LRP1B: variants seen among roughly 807,000 people sequenced by gnomAD.
The protein encoded by LRP1B is LDL receptor related protein 1B.
A neutral mutation model predicts 556.6 loss-of-function variants in LRP1B; 217 were observed. That is an observed-to-expected ratio of 0.39 (90% CI 0.35 to 0.44). The LOEUF (loss-of-function observed/expected upper bound fraction) is 0.44. LRP1B is among the 20% of genes least tolerant of loss of function. The probability of loss-of-function intolerance (pLI) is 1.00; values close to 1 mark genes in which losing one functional copy is unlikely to be tolerated. For synonymous variants in LRP1B, 2,047 were observed against 1,865.8 expected (o/e 1.10, Z -2.50); for missense variants, 5,053 against 5,620.8 (o/e 0.90, Z 3.23).
intron 11 of LRP1B, among the ~76,000 whole-genome samples, chr2:141,025,737 G>A (rs79757371): frequency 0.035 from 5,260 of 151,992 alleles, 128 homozygotes; most frequent in Middle Eastern, 0.068. Flanking sequence ...TTTTTTCTCT[G>A]TCTCTCTATA....
chr2:141,859,849 T>G (rs1255600369), intron 1 of LRP1B, among the ~76,000 whole-genome samples: 2 of 152,150 alleles, frequency 1.3e-5, no homozygotes, highest in Non-Finnish European at 2.9e-5. Context: ...TGACAGGTAT[T>G]TTGTGTGATT....
At chr2:141,130,872 C>G (rs555885214) in intron 7 of LRP1B, among the ~76,000 whole-genome samples, 1 of 152,048 alleles carries the variant, frequency 6.6e-6, no homozygotes, top group Admixed American at 6.6e-5. Flanking sequence ...ATGTCTTTTG[C>G]AGGGACATGG....
At chr2:140,766,846 ATATATATATATATATATAT>A (rs762188021) in intron 35 of LRP1B, among the ~76,000 whole-genome samples, 55,253 of 102,898 alleles carry the variant, frequency 0.54, 11,991 homozygotes, top group East Asian at 0.71. Flanking sequence ...TATATATATT[ATATATATATATATATATAT>A]AATATATATA....
chr2:140,289,745 A>G (rs1683299047), intron 84 of LRP1B, among the ~76,000 whole-genome samples: 1 of 152,002 alleles, frequency 6.6e-6, no homozygotes, highest in African/African-American at 2.4e-5. Context: ...AAGAATAACT[A>G]AAATAATTAA....
chr2:141,743,925 TTTTG>T (rs750078761), intron 2 of LRP1B, among the ~76,000 whole-genome samples: 7 of 141,486 alleles, frequency 4.9e-5, no homozygotes, highest in Non-Finnish European at 1.1e-4. Flanking sequence ...GCTTTGTCAG[TTTTG>T]TTTATTTTTC....
In LRP1B at chr2:141,464,606, A is replaced by ATATATATATATT; in HGVS notation, c.343+15789_343+15790insAATATATATATA. Reference sequence around the variant, plus strand: ...TTTGTATATATATATATATATATATATTTTTTTAGTAGAGATGGGGTTTCA... The same window carrying ATATATATATATT: ...TTTGTATATATATATATATATATATATATATATATATTTTTTTTTAGTAGAGATGGGGTTTCA... On this transcript the variant is annotated intron_variant, in intron 3 of 90. Coordinates refer to ENST00000389484, the MANE Select transcript of LRP1B (RefSeq NM_018557.3). Among the ~76,000 whole-genome samples, 42 of 90,538 alleles carry ATATATATATATT rather than the reference A, an allele frequency of 4.6e-4. 2 individuals carry two copies. Among genetic ancestry groups the ATATATATATATT allele is most frequent in the East Asian group, 2.5e-3 (9 of 3,594 alleles). The allele number at this position is 90,538 out of a possible 152,430, so 59.4% of individuals were successfully genotyped here. A position where few individuals can be genotyped will look rare whatever the true frequency, so the allele number is the denominator to read the frequency against.
intron 7 of LRP1B, among the ~76,000 whole-genome samples, chr2:141,142,921 C>CT (rs35543111): frequency 0.39 from 38,973 of 100,644 alleles, 8,845 homozygotes; most frequent in Non-Finnish European, 0.45. Context: ...TGTCTGATTA[C>CT]TTTTTTTTTT....
chr2:141,329,668 A>ATC (rs1158835420), intron 3 of LRP1B, among the ~76,000 whole-genome samples: 1 of 142,322 alleles, frequency 7.0e-6, no homozygotes, highest in Admixed American at 6.9e-5. Flanking sequence ...AAAAAAAACT[A>ATC]TCTCTCTCTC....
At chr2:141,979,201 A>C (rs1701973978) in intron 1 of LRP1B, among the ~76,000 whole-genome samples, 1 of 152,078 alleles carries the variant, frequency 6.6e-6, no homozygotes, top group Admixed American at 6.6e-5. Context: ...TCTGGACCTA[A>C]ATTGTACAAC....
intron 3 of LRP1B, among the ~76,000 whole-genome samples, chr2:141,426,545 C>G (rs1362203537): frequency 6.6e-6 from 1 of 151,128 alleles, no homozygotes; most frequent in Non-Finnish European, 1.5e-5. Flanking sequence ...TTTGAAATGA[C>G]AAAGAAAGAA....
chr2:140,749,890 G>C (rs1360731458), intron 35 of LRP1B, among the ~76,000 whole-genome samples: 1 of 152,090 alleles, frequency 6.6e-6, no homozygotes, highest in East Asian at 1.9e-4. Context: ...GTGCAGGTTT[G>C]TTTACAACAG....
At chr2:141,767,434 T>C (rs1051205411) in intron 2 of LRP1B, among the ~76,000 whole-genome samples, 1 of 152,046 alleles carries the variant, frequency 6.6e-6, no homozygotes, top group Non-Finnish European at 1.5e-5. Context: ...CAGGTCAAAT[T>C]ATCTATGTCG....
chr2:140,652,281 A>G (rs1228068285), intron 41 of LRP1B, among the ~76,000 whole-genome samples: 1 of 152,050 alleles, frequency 6.6e-6, no homozygotes, highest in Non-Finnish European at 1.5e-5. Flanking sequence ...ATAAATTCAC[A>G]GAGATAAATA....
chr2:140,512,151 T>C (rs1466658528), intron 51 of LRP1B, among the ~76,000 whole-genome samples: 3 of 152,222 alleles, frequency 2.0e-5, no homozygotes, highest in Non-Finnish European at 2.9e-5. Flanking sequence ...TCTAATTCTG[T>C]ATGACCTTGA....
chr2:141,306,078 G>C (rs1019962135), intron 3 of LRP1B, among the ~76,000 whole-genome samples: 1 of 152,008 alleles, frequency 6.6e-6, no homozygotes, highest in Non-Finnish European at 1.5e-5. Context: ...TCTGGTTTTG[G>C]TATCAGGGTA....
At chr2:140,872,340 C>T (rs1453994114) in intron 25 of LRP1B, among the ~76,000 whole-genome samples, 1 of 89,332 alleles carries the variant, frequency 1.1e-5, no homozygotes, top group African/African-American at 4.9e-5. Flanking sequence ...AAGCTGCTTG[C>T]TTTTGTATTG....
intron 3 of LRP1B, among the ~76,000 whole-genome samples, chr2:141,367,136 T>C (rs748323789): frequency 1.6e-4 from 24 of 152,212 alleles, no homozygotes; most frequent in Non-Finnish European, 3.1e-4. Flanking sequence ...AAGAGAAGGC[T>C]ACTATTGGGG....
intron 3 of LRP1B, among the ~76,000 whole-genome samples, chr2:141,451,876 C>T (rs1681434537): frequency 6.6e-6 from 1 of 152,058 alleles, no homozygotes; most frequent in South Asian, 2.1e-4. Flanking sequence ...AAGGTTTTTG[C>T]AGAGATGACA....
At chr2:141,652,996 T>A (rs1689856844) in intron 2 of LRP1B, among the ~76,000 whole-genome samples, 1 of 152,092 alleles carries the variant, frequency 6.6e-6, no homozygotes, top group South Asian at 2.1e-4. Context: ...GAGTGTTGCT[T>A]CTATATTTTA....
Sources: allele counts gnomAD v4.1 joint callset (sites outside exome capture counted in the v4.1 genomes callset), GRCh38; gene constraint gnomAD v4.1.1; transcripts MANE v1.5; gene names NCBI Gene and HGNC (gene_info 2026-07-23, HGNC 2026-07-21).